The following APC2 variants were observed in gnomAD, a reference collection of about 807,000 sequenced individuals.
APC2 encodes adenomatous polyposis coli protein 2.
Under a neutral mutation model 72.5 loss-of-function variants are expected in APC2, and 41 were observed. The ratio of observed to expected loss-of-function variants is 0.57; its 90% confidence interval spans 0.44 to 0.73. APC2 has a LOEUF of 0.73. Among genes scored for constraint, APC2 ranks in the 30% least tolerant of loss-of-function variants. The pLI is 0.00. For synonymous variants in APC2, 1,898 were observed against 1,612.0 expected (o/e 1.18, Z -4.25); for missense variants, 3,729 against 3,403.4 (o/e 1.10, Z -2.38).
At position 1,467,486 on chromosome 19, in the gene APC2, C is replaced by A; in HGVS notation, c.4185C>A (p.Gly1395=). The A allele has an allele frequency of 6.9e-7, 1 of 1,457,094 alleles. No homozygotes were observed. The highest frequency in any genetic ancestry group is 9.0e-7 in the Non-Finnish European group (1 of 1,106,668). The allele number at this position is 1,457,094 out of a possible 1,614,324, so 90.3% of individuals were successfully genotyped here. Residue 1395 remains glycine (G), a synonymous_variant, in exon 15 of 15, where the codon GGC becomes GGA. Transcript: ENST00000590469. ...ACTCCTGCACTGACTCCGCGGAGGG[C>A]ACGCCGGTCAACTTCTCTAGCGCCG... ...EDDSCTDSAE[G]TPVNFSSAAS...
Position 1,461,275 on chromosome 19 carries a change from G to A in APC2, c.1638+122G>A, listed in dbSNP as rs553802689. On this transcript the variant is annotated intron_variant, in intron 13 of 14. Coordinates refer to ENST00000590469, the MANE Select transcript of APC2 (RefSeq NM_005883.3). ...TTGAACAGCTCACTGCTTAGCGGGT[G>A]GTCCAGCCTCAGACCGGCTGGGGCT... 174 of 863,492 alleles carry A rather than the reference G, an allele frequency of 2.0e-4. No homozygotes were observed. The South Asian group carries it at 2.6e-3, about 13-fold the overall frequency. The allele number at this position is 863,492 out of a possible 1,614,324, so 53.5% of individuals were successfully genotyped here.
Position 1,468,069 on chromosome 19 carries a change from G to C in APC2, c.4768G>C (p.Glu1590Gln), listed in dbSNP as rs1274505588. The C allele has an allele frequency of 1.9e-6, 3 of 1,559,298 alleles. No homozygotes were observed. The highest frequency in any genetic ancestry group is 1.8e-5 in the Admixed American group (1 of 56,212). The part of the protein sequence containing the change: ...SSSASSLSEP[E>Q]PSEPPAVHPR... ...CTCCGCCAGCTCCCTCAGCGAGCCC[G>C]AGCCCTCGGAGCCGCCGGCCGTCCA... Residue 1590 changes from glutamate to glutamine, a missense_variant, in exon 15 of 15, where the codon GAG becomes CAG. Physicochemically the swap from Glu to Gln is conservative, Grantham distance 29. Coordinates refer to ENST00000590469, the MANE Select transcript of APC2 (RefSeq NM_005883.3).
Position 1,468,486 on chromosome 19 carries a change from AC to A in APC2, c.5188del (p.Leu1730TyrfsTer64). The part of the protein sequence containing the change: ...SFVSGLSVGS[T>X]LQPPKHRKGR... ...CGTATCCGGGCTGTCAGTGGGATCC[AC>A]CCTACAGCCCCCCAAGCACAGGAAG... On this transcript the variant is annotated frameshift_variant, in exon 15 of 15. Coordinates refer to ENST00000590469, the MANE Select transcript of APC2 (RefSeq NM_005883.3). LOFTEE classifies it low-confidence loss of function (END_TRUNC). The A allele has an allele frequency of 6.2e-7, 1 of 1,604,620 alleles. No homozygotes were observed.
Position 1,470,362 on chromosome 19 carries a change from G to C in APC2, c.*149G>C. On this transcript the variant is annotated 3_prime_UTR_variant, in exon 15 of 15. Coordinates refer to ENST00000590469, the MANE Select transcript of APC2 (RefSeq NM_005883.3). ...ACCACTCTCAGAACCCCCGCCCAGC[G>C]CACGGCGACCTCGCGCCTCACCGGA... 8.6e-7 allele frequency: 1 copy of C among 1,161,290 alleles called. No homozygotes were observed. The allele number at this position is 1,161,290 out of a possible 1,614,324, so 71.9% of individuals were successfully genotyped here. A position where few individuals can be genotyped will look rare whatever the true frequency, so the allele number is the denominator to read the frequency against.
In APC2 at chr19:1,465,353, C is replaced by A; in HGVS notation, c.2052C>A (p.Ala684=). 6.3e-7 allele frequency: 1 copy of A among 1,586,998 alleles called. No individual in the cohort carries two copies. Among genetic ancestry groups the A allele is most frequent in the South Asian group, 1.1e-5 (1 of 89,420 alleles). ...TGCACTCCAAGCACAAGATGATCGC[C>A]ATGGGCAGCGCCGCCGCCCTGCGCA... The part of the protein sequence containing the change: ...NLVHSKHKMI[A]MGSAAALRNL... The change falls in exon 15 of 15, where the codon GCC becomes GCA. Residue 684 remains alanine (A), a synonymous_variant. Coordinates refer to ENST00000590469, the MANE Select transcript of APC2 (RefSeq NM_005883.3).
Position 1,457,211 on chromosome 19 carries a change from A to G in APC2, c.1175A>G (p.Asp392Gly). 6.5e-7 allele frequency: 1 copy of G among 1,547,446 alleles called. No individual in the cohort carries two copies. Among genetic ancestry groups the G allele is most frequent in the Non-Finnish European group, 8.7e-7 (1 of 1,149,494 alleles). The part of the protein sequence containing the change: ...ETCWDWLQAR[D>G]GGPEGGGAGS... ...TGCTGGGACTGGCTGCAGGCCCGAG[A>G]CGGCGGGCCCGAGGGAGGTGGCGCC... Residue 392 changes from aspartate (D) to glycine (G), a missense_variant, in exon 9 of 15, where the codon GAC becomes GGC. Transcript: ENST00000590469.
In APC2 at chr19:1,466,691, G is replaced by A. The variant is rs2145238979; in HGVS notation, c.3390G>A (p.Arg1130=). ...TGCCCGTAGCCATTCCGGCTCCCCG[G>A]CGTAACCGAGGCCGGGGCCTGGGGG... ...TSLPVAIPAP[R]RNRGRGLGVE... Residue 1130 remains arginine, a synonymous_variant, in exon 15 of 15, where the codon CGG becomes CGA. Transcript: ENST00000590469. 6.6e-7 allele frequency: 1 copy of A among 1,516,810 alleles called. No homozygotes were observed. The allele number at this position is 1,516,810 out of a possible 1,614,324, so 94.0% of individuals were successfully genotyped here.
upstream of APC2, among the ~76,000 whole-genome samples, chr19:1,449,789 C>A (rs933620203): frequency 6.6e-6 from 1 of 152,208 alleles, no homozygotes; most frequent in Non-Finnish European, 1.5e-5. Context: ...CTGGAAACCC[C>A]TCCCCCGCCA....
Position 1,467,526 on chromosome 19 carries a change from G to A in APC2, c.4225G>A (p.Glu1409Lys), listed in dbSNP as rs906278800. ...NFSSAASLSD[E>K]TLQGPPRDQP... is the part of the protein sequence containing the mutation. ...CTCTAGCGCCGCCTCGCTCAGCGAC[G>A]AGACGCTGCAGGGACCCCCCAGGGA... The change falls in exon 15 of 15, where the codon GAG (glutamate) becomes AAG (lysine). Residue 1409 changes from glutamate to lysine, a missense_variant. Transcript: ENST00000590469. 3 of 1,475,860 alleles carry A rather than the reference G, an allele frequency of 2.0e-6. No homozygotes were observed. Among genetic ancestry groups the A allele is most frequent in the South Asian group, 1.3e-5 (1 of 76,962 alleles). The allele number at this position is 1,475,860 out of a possible 1,614,324, so 91.4% of individuals were successfully genotyped here.
chr19:1,466,158 C>A lies in APC2; in HGVS notation c.2857C>A (p.Arg953Ser). ...LPCPLAALAS[R>S]REDPRCGQPR... The stretch of plus-strand genomic sequence containing the variant: ...CTGCCCGCTGGCCGCACTGGCTTCG[C>A]GCCGCGAGGACCCCAGGTGTGGGCA... Residue 953 changes from arginine to serine, a missense_variant, in exon 15 of 15, where the codon CGC (arginine) becomes AGC (serine). Arg to Ser is a moderately radical substitution (Grantham distance 110, BLOSUM62 -1). Transcript: ENST00000590469. 2 of 1,565,312 alleles carry A rather than the reference C, an allele frequency of 1.3e-6. No homozygotes were observed. The highest frequency in any genetic ancestry group is 2.4e-5 in the East Asian group (1 of 42,048).
rs2084165527 is a variant in APC2, at chr19:1,473,200, C to T, written c.*2987C>T. On this transcript the variant is annotated 3_prime_UTR_variant, in exon 15 of 15. Coordinates refer to ENST00000590469, the MANE Select transcript of APC2 (RefSeq NM_005883.3). ...TCCGGCGTAAGGACGACACCGTCAG[C>T]TGTCCGACTCGCACACATTTAATAA... The T allele has an allele frequency of 6.6e-6, 1 of 152,320 alleles. No homozygotes were observed. The highest frequency in any genetic ancestry group is 6.5e-5 in the Admixed American group (1 of 15,294). The allele number at this position is 152,320 out of a possible 1,614,324, so 9.4% of individuals were successfully genotyped here.
At chr19:1,455,287 G>T in intron 5 of APC2, 30 bp downstream of exon 5, 1 of 1,562,598 alleles carries the variant, frequency 6.4e-7, no homozygotes, top group Non-Finnish European at 8.6e-7. Flanking sequence ...AGGGGGCAGC[G>T]CGCCCGCCCC....
Position 1,466,466 on chromosome 19 carries a change from G to A in APC2, c.3165G>A (p.Leu1055=). 6.3e-7 allele frequency: 1 copy of A among 1,598,204 alleles called. No individual in the cohort carries two copies. The highest frequency in any genetic ancestry group is 1.3e-5 in the African/African-American group (1 of 75,032). The change falls in exon 15 of 15, where the codon CTG becomes CTA. Residue 1055 remains leucine (L), a synonymous_variant. Transcript: ENST00000590469. ...CGCTGTCTGTGGCCAGCAAGGCACT[G>A]CAGAAACTGGCGGCGCAAGAGGGGC... ...AAPLSVASKA[L]QKLAAQEGPL... is the part of the protein sequence containing the mutation.
rs939722342 is a variant in APC2, at chr19:1,450,247, C to T, written c.-110C>T. The T allele has an allele frequency of 5.1e-6, 5 of 985,306 alleles. No individual in the cohort carries two copies. The highest frequency in any genetic ancestry group is 6.0e-6 in the Non-Finnish European group (5 of 829,954). The allele number at this position is 985,306 out of a possible 1,614,324, so 61.0% of individuals were successfully genotyped here. Reference sequence around the variant, plus strand: ...GAGCCCGCGCGCTCCGAGGCCACCCCGGGCCGGGATTTCCGGTGGGGCCCG... The same window carrying T: ...GAGCCCGCGCGCTCCGAGGCCACCCTGGGCCGGGATTTCCGGTGGGGCCCG... On this transcript the variant is annotated 5_prime_UTR_variant, in exon 1 of 15. Coordinates refer to ENST00000590469, the MANE Select transcript of APC2 (RefSeq NM_005883.3).
At position 1,462,195 on chromosome 19, in the gene APC2, C is replaced by G. The variant is rs760059181; in HGVS notation, c.1853+18C>G. ...GACTACAGGTCGGCCCCCACCCCCC[C>G]ACCCGCACACAGGCAGCTGCGCTCG... On this transcript the variant is annotated intron_variant, in intron 14 of 14. Coordinates refer to ENST00000590469, the MANE Select transcript of APC2 (RefSeq NM_005883.3). 65 of 1,526,140 alleles carry G rather than the reference C, an allele frequency of 4.3e-5. 2 individuals carry two copies. The highest frequency in any genetic ancestry group is 3.7e-4 in the South Asian group (30 of 80,678). 94.5% of individuals were successfully genotyped at this position (1,526,140 alleles called of 1,614,324 possible).
At position 1,452,766 on chromosome 19, in the gene APC2, G is replaced by A; in HGVS notation, c.-18-218G>A. 1.8e-6 allele frequency: 1 copy of A among 564,674 alleles called. No homozygotes were observed. Among genetic ancestry groups the A allele is most frequent in the South Asian group, 2.4e-5 (1 of 42,206 alleles). 35.0% of individuals were successfully genotyped at this position (564,674 alleles called of 1,614,324 possible). On this transcript the variant is annotated intron_variant, in intron 1 of 14. Transcript: ENST00000590469. This position sits in a 1 kb window ranked among gnomAD's most constrained non-coding sequence, Gnocchi z 5.1. ...CTGCTGGCCCCTCTGTCTCCCCTTG[G>A]GGCCACCTCTCACTCCACCTGCCCC...
intron 6 of APC2, 55 bp from the exon 7 acceptor site, chr19:1,456,021 T>C (rs879049354): frequency 2.1e-6 from 3 of 1,415,114 alleles, no homozygotes; most frequent in Non-Finnish European, 2.8e-6. Context: ...AGAGGCGGGG[T>C]CAGAGCCGGG....
At chr19:1,447,509 G>A (rs2083698252), upstream of APC2, among the ~76,000 whole-genome samples, 1 of 152,160 alleles carries the variant, frequency 6.6e-6, no homozygotes, top group Non-Finnish European at 1.5e-5. Flanking sequence ...TCTTGGGCTA[G>A]GCCCTGCGTT....
At chr19:1,449,225 GAA>G (rs142171936), upstream of APC2, among the ~76,000 whole-genome samples, 13,755 of 152,220 alleles carry the variant, frequency 0.09, 964 homozygotes, top group African/African-American at 0.19. Context: ...GCCCAGCACG[GAA>G]AAAAATCACT....
Sources: allele counts gnomAD v4.1 joint callset (sites outside exome capture counted in the v4.1 genomes callset), GRCh38; gene constraint gnomAD v4.1.1; non-coding constraint Gnocchi (gnomAD v3.1); transcripts MANE v1.5; gene names NCBI Gene and HGNC (gene_info 2026-07-23, HGNC 2026-07-21).